Variants in NLRP4 observed in about 807,000 individuals in gnomAD.
NLRP4 encodes NACHT, LRR and PYD domains-containing protein 4.
In NLRP4, 44 loss-of-function variants were observed where a neutral mutation model predicts 84.7. That is an observed-to-expected ratio of 0.52 (90% CI 0.41 to 0.67). The LOEUF is 0.67. Among genes scored for constraint, NLRP4 ranks in the 30% least tolerant of loss-of-function variants. The pLI, the probability that NLRP4 is intolerant of heterozygous loss-of-function variation, is 0.00. For missense variants in NLRP4, 1,260 were observed against 1,219.4 expected (o/e 1.03, Z -0.50); for synonymous variants, 544 against 476.4 (o/e 1.14, Z -1.85).
intron 1 of NLRP4, among the ~76,000 whole-genome samples, chr19:55,840,641 G>A (rs945715559): frequency 1.3e-5 from 2 of 152,008 alleles, no homozygotes; most frequent in South Asian, 2.1e-4. Flanking sequence ...CTCGTGATCC[G>A]CCCACCTCGG....
Position 55,859,951 on chromosome 19 carries a change from A to C in NLRP4, c.1856+702A>C, listed in dbSNP as rs1240338434. 1.2e-4 allele frequency among the ~76,000 whole-genome samples: 9 copies of C among 74,444 alleles called. 1 individual carries two copies. Among genetic ancestry groups the C allele is most frequent in the Non-Finnish European group, 3.3e-5 (1 of 30,720 alleles). 48.8% of individuals were successfully genotyped at this position (74,444 alleles called of 152,430 possible). On this transcript the variant is annotated intron_variant, in intron 3 of 9. Coordinates refer to ENST00000301295, the MANE Select transcript of NLRP4 (RefSeq NM_134444.5). ...CAAAAAAAAAAAAAAAAAAAAAAAA[A>C]ACAAAACACAAATCATACAAATTTT...
At chr19:55,837,754 G>A (rs75896691) in intron 1 of NLRP4, among the ~76,000 whole-genome samples, 3,888 of 152,122 alleles carry the variant, frequency 0.026, 231 homozygotes, top group East Asian at 0.22. Context: ...GGCCACATGC[G>A]GCTGGGTGTG....
chr19:55,858,124 A>G lies in NLRP4; in HGVS notation c.731A>G (p.Asp244Gly). ...EELQGGLNEP[D>G]SDLCGDLMEK... ...CTGCAGGGCGGCTTGAACGAACCCG[A>G]TTCGGATCTGTGTGGTGACTTGATG... Residue 244 changes from aspartate to glycine, a missense_variant, in exon 3 of 10, where the codon GAT becomes GGT. Around this residue, in one of 3 missense-constraint regions of NLRP4, gnomAD observed 712 missense variants for 669.2 expected, o/e 1.06. Coordinates refer to ENST00000301295, the MANE Select transcript of NLRP4 (RefSeq NM_134444.5). This position sits in a 1 kb window ranked among gnomAD's most constrained non-coding sequence, Gnocchi z 4.2. 6.2e-7 allele frequency: 1 copy of G among 1,614,144 alleles called. No individual in the cohort carries two copies. Among genetic ancestry groups the G allele is most frequent in the Non-Finnish European group, 8.5e-7 (1 of 1,180,022 alleles).
chr19:55,878,531 G>A lies in NLRP4; in HGVS notation c.2697-263G>A, dbSNP rs199519596. ...TAATATGTTATATTATCCAAAGCAA[G>A]GTATGAAGCCGGAAATAGACTCTGT... On this transcript the variant is annotated intron_variant, in intron 8 of 9. Transcript: ENST00000301295. Among the ~76,000 whole-genome samples, 7 of 152,392 alleles carry A rather than the reference G, an allele frequency of 4.6e-5. No individual in the cohort carries two copies. In the East Asian group the frequency reaches 1.3e-3, roughly 29 times the overall value.
rs199475750 is a variant in NLRP4, at chr19:55,862,116, T to G, written c.2143T>G (p.Cys715Gly). The part of the protein sequence containing the change: ...KLSRDDIRSL[C>G]DALNYPAGNV... ...CTCTCGTGATGACATCAGGTCCCTCTGTGATGCCTTGAACTACCCAGCAGG... is the reference window on the plus strand; with the variant it reads ...CTCTCGTGATGACATCAGGTCCCTCGGTGATGCCTTGAACTACCCAGCAGG... Residue 715 changes from cysteine to glycine, a missense_variant, in exon 5 of 10, where the codon TGT becomes GGT. Coordinates refer to ENST00000301295, the MANE Select transcript of NLRP4 (RefSeq NM_134444.5). The G allele has an allele frequency of 6.2e-7, 1 of 1,614,012 alleles. No homozygotes were observed. The highest frequency in any genetic ancestry group is 1.3e-5 in the African/African-American group (1 of 75,070).
chr19:55,866,464 A>G (rs990679639), intron 5 of NLRP4, among the ~76,000 whole-genome samples: 1 of 152,172 alleles, frequency 6.6e-6, no homozygotes, highest in Admixed American at 6.5e-5. Flanking sequence ...CAACTCCCAT[A>G]ATGGCTTTCA....
intron 8 of NLRP4, among the ~76,000 whole-genome samples, chr19:55,878,208 A>G (rs1985440511): frequency 1.3e-5 from 2 of 152,144 alleles, no homozygotes; most frequent in African/African-American, 4.8e-5. Flanking sequence ...TCAAGGCTGC[A>G]ATGAGCCATG....
At chr19:55,837,449 T>G (rs1043375203) in intron 1 of NLRP4, among the ~76,000 whole-genome samples, 3 of 152,156 alleles carry the variant, frequency 2.0e-5, no homozygotes, top group Middle Eastern at 3.2e-3. Context: ...TACCTACAGG[T>G]GTAACTTGGT....
chr19:55,873,012 C>T (rs540311780), intron 7 of NLRP4, among the ~76,000 whole-genome samples: 3 of 151,982 alleles, frequency 2.0e-5, no homozygotes, highest in Non-Finnish European at 2.9e-5. Flanking sequence ...TTCAGTATGG[C>T]GGGGAGACGG....
intron 1 of NLRP4, among the ~76,000 whole-genome samples, chr19:55,839,979 T>G (rs1449079707): frequency 1.3e-5 from 2 of 152,224 alleles, no homozygotes; most frequent in African/African-American, 2.4e-5. Flanking sequence ...GAAGTATGTT[T>G]CTTAATTTTG....
intron 1 of NLRP4, among the ~76,000 whole-genome samples, chr19:55,845,837 G>A (rs1385670216): frequency 7.2e-6 from 1 of 139,672 alleles, no homozygotes; most frequent in East Asian, 2.0e-4. Context: ...TTTGAGAAGT[G>A]TCTGTTTATA....
Position 55,877,091 on chromosome 19 carries a change from A to T in NLRP4, c.2621A>T (p.Asn874Ile). 1.2e-6 allele frequency: 2 copies of T among 1,614,172 alleles called. No homozygotes were observed. The highest frequency in any genetic ancestry group is 1.7e-6 in the Non-Finnish European group (2 of 1,179,996). Residue 874 changes from asparagine (N) to isoleucine (I), a missense_variant, in exon 8 of 10, where the codon AAT becomes ATT. Physicochemically the swap from Asn to Ile is moderately radical, Grantham distance 149. This residue lies in a region of NLRP4 where 544 missense variants were observed against 531.7 expected (regional missense o/e 1.02). Transcript: ENST00000301295. ...CTGAAGATTCTGCAAATTGGGTGCA[A>T]TGAAATCGGAGATGTGGGTGTGCAG... ...QNLKILQIGC[N>I]EIGDVGVQLL...
intron 7 of NLRP4, among the ~76,000 whole-genome samples, chr19:55,873,569 GTGAACTGTAGTAAGTGCCAC>G (rs1307761437): frequency 1.3e-5 from 2 of 152,054 alleles, no homozygotes; most frequent in Non-Finnish European, 2.9e-5. Flanking sequence ...GTACAACATT[GTGAACTGTAGTAAGTGCCAC>G]TGAACTGTTC....
Position 55,877,073 on chromosome 19 carries a change from T to G in NLRP4, c.2603T>G (p.Ile868Ser), listed in dbSNP as rs1568675601. 5 of 1,614,124 alleles carry G rather than the reference T, an allele frequency of 3.1e-6. No homozygotes were observed. Among genetic ancestry groups the G allele is most frequent in the Non-Finnish European group, 3.4e-6 (4 of 1,179,994 alleles). Residue 868 changes from isoleucine (I) to serine (S), a missense_variant, in exon 8 of 10, where the codon ATT becomes AGT. Coordinates refer to ENST00000301295, the MANE Select transcript of NLRP4 (RefSeq NM_134444.5). Reference sequence around the variant, plus strand: ...CTCATCAGCAATCAAAACCTGAAGATTCTGCAAATTGGGTGCAATGAAATC... The same window carrying G: ...CTCATCAGCAATCAAAACCTGAAGAGTCTGCAAATTGGGTGCAATGAAATC... ...SALISNQNLK[I>S]LQIGCNEIGD...
In NLRP4 at chr19:55,857,687, C is replaced by A. The variant is rs149802462; in HGVS notation, c.294C>A (p.Thr98=). 1.8e-5 allele frequency: 29 copies of A among 1,612,938 alleles called. No homozygotes were observed. The African/African-American group carries it at 3.9e-4, about 21-fold the overall frequency. The change falls in exon 3 of 10, where the codon ACC becomes ACA. Residue 98 remains threonine, a synonymous_variant. Transcript: ENST00000301295. ...TCACTGACTCAGGATACACAAAGAC[C>A]TATCAAGCTCACGCAAAGCAGAAAT... ...VMRERTGYTK[T]YQAHAKQKFS...
chr19:55,852,065 C>A lies in NLRP4; in HGVS notation c.-16C>A, dbSNP rs1984185856. 6.3e-7 allele frequency: 1 copy of A among 1,579,758 alleles called. No homozygotes were observed. The highest frequency in any genetic ancestry group is 1.4e-5 in the African/African-American group (1 of 72,778). ...TCACTGTCTCTTTGAGGATTGGTAT[C>A]TCTGCTCCAGAAAAGATGGCAGCCT... On this transcript the variant is annotated 5_prime_UTR_variant, in exon 2 of 10. Coordinates refer to ENST00000301295, the MANE Select transcript of NLRP4 (RefSeq NM_134444.5).
intron 2 of NLRP4, among the ~76,000 whole-genome samples, chr19:55,856,946 A>G (rs975752783): frequency 6.6e-6 from 1 of 152,214 alleles, no homozygotes; most frequent in Non-Finnish European, 1.5e-5. Context: ...TTCTGGAGGC[A>G]ACTGCCTAGG....
chr19:55,859,926 C>CAA (rs1166037425), intron 3 of NLRP4, among the ~76,000 whole-genome samples: 1,128 of 17,442 alleles, frequency 0.065, 206 homozygotes, highest in Middle Eastern at 0.25. Context: ...CTCTCATCTC[C>CAA]AAAAAAAAAA....
chr19:55,854,471 G>C (rs12232840), intron 2 of NLRP4, among the ~76,000 whole-genome samples: 3,932 of 152,070 alleles, frequency 0.026, 94 homozygotes, highest in East Asian at 0.091. Context: ...CAGTCTCCTA[G>C]TATGTCCGGT....
Sources: allele counts gnomAD v4.1 joint callset (sites outside exome capture counted in the v4.1 genomes callset), GRCh38; gene constraint gnomAD v4.1.1; regional missense constraint gnomAD v4.1.1; non-coding constraint Gnocchi (gnomAD v3.1); transcripts MANE v1.5; gene names NCBI Gene and HGNC (gene_info 2026-07-23, HGNC 2026-07-21).